POLN: variants seen among roughly 807,000 people sequenced by gnomAD.
POLN encodes DNA polymerase nu.
POLN carries 108 observed loss-of-function variants against 113.5 expected under a neutral mutation model. The observed-to-expected ratio is 0.95, with a 90% CI of 0.81 to 1.12. The LOEUF is 1.12. POLN is among the 50% of genes most tolerant of loss of function. The probability of loss-of-function intolerance (pLI) is 0.00; values close to 1 mark genes in which losing one functional copy is unlikely to be tolerated. For missense variants in POLN, 1,097 were observed against 1,077.1 expected (o/e 1.02, Z -0.26); for synonymous variants, 386 against 391.5 (o/e 0.99, Z 0.17).
At chr4:2,082,652 A>G (rs1392294265) in intron 21 of POLN, 1 of 152,188 alleles carries the variant, frequency 6.6e-6, no homozygotes. Flanking sequence ...TATAATAATC[A>G]TGAAAGTGAC....
rs1474413309 is a variant in POLN at position 2,208,443 on chromosome 4, C to A, written c.258G>T (p.Lys86Asn). Residue 86 changes from lysine to asparagine, a missense_variant, in exon 5 of 26, where the codon AAG becomes AAT. Lys to Asn is a moderately conservative substitution (Grantham distance 94). Transcript: ENST00000511885. Reference sequence around the variant, plus strand: ...TGACACTGAAGGACTGAGGAGACAGCTTGGCAGAACCTCTTGATGTCTGAC... The same window carrying A: ...TGACACTGAAGGACTGAGGAGACAGATTGGCAGAACCTCTTGATGTCTGAC... ...LRSQTSRGSA[K>N]LSPQSFSVRL... 1.9e-6 allele frequency: 3 copies of A among 1,576,026 alleles called. No individual in the cohort carries two copies. In the African/African-American group the frequency reaches 4.1e-5, roughly 22 times the overall value.
chr4:2,085,423 G>A (rs1296202073), intron 21 of POLN, among the ~76,000 whole-genome samples, 190 bp downstream of exon 21: 2 of 152,014 alleles, frequency 1.3e-5, no homozygotes, highest in African/African-American at 4.8e-5. Context: ...GCTTCAAGCC[G>A]CCCAGACTCT....
At position 2,122,869 on chromosome 4, in the gene POLN, C is replaced by T. The variant is rs1577706075; in HGVS notation, c.1982+5244G>A. Among the ~76,000 whole-genome samples, 3 of 152,130 alleles carry T rather than the reference C, an allele frequency of 2.0e-5. No homozygotes were observed. The South Asian group carries it at 6.2e-4, about 32-fold the overall frequency. On this transcript the variant is annotated intron_variant, in intron 19 of 25. Transcript: ENST00000511885. ...GTATGTCTGCACAAAAACTTGCACA[C>T]AGACCAGGGGCGGTAGCTCACACCT...
In POLN at chr4:2,233,239, C is replaced by A. The variant is rs151114484; in HGVS notation, c.-12-3996G>T. Among the ~76,000 whole-genome samples the A allele has an allele frequency of 2.0e-4, 30 of 152,300 alleles. No homozygotes were observed. In the East Asian group the frequency reaches 5.8e-3, roughly 29 times the overall value. ...CTGAGAAACAACAATCTCATCTTTA[C>A]CTTCAATTAAATACTAAAGATCATA... On this transcript the variant is annotated intron_variant, in intron 2 of 25. Transcript: ENST00000511885.
At position 2,080,737 on chromosome 4, in the gene POLN, T is replaced by G; in HGVS notation, c.2387+221A>C. ...GTCTGGGGGAGACAGCATTTCTGTCTGGAGAGGCCTCATCTGCACCCCACG... is the reference window on the plus strand; with the variant it reads ...GTCTGGGGGAGACAGCATTTCTGTCGGGAGAGGCCTCATCTGCACCCCACG... On this transcript the variant is annotated intron_variant, in intron 23 of 25. Coordinates refer to ENST00000511885, the MANE Select transcript of POLN (RefSeq NM_181808.4). The G allele has an allele frequency of 4.9e-6, 7 of 1,426,034 alleles. No individual in the cohort carries two copies. The South Asian group carries it at 8.7e-5, about 18-fold the overall frequency. 88.3% of individuals were successfully genotyped at this position (1,426,034 alleles called of 1,614,324 possible).
At chr4:2,207,448 AT>A (rs143425650) in intron 5 of POLN, among the ~76,000 whole-genome samples, 7,572 of 152,136 alleles carry the variant, frequency 0.05, 279 homozygotes, top group Non-Finnish European at 0.072. Context: ...ACCCTCAATA[AT>A]TTTTTTTAAA....
rs138629752 is a variant in POLN at position 2,145,567 on chromosome 4, A to G, written c.1731+11221T>C. Among the ~76,000 whole-genome samples the G allele has an allele frequency of 1.9e-3, 290 of 152,356 alleles. 3 individuals are homozygous for G. The highest frequency in any genetic ancestry group is 6.8e-3 in the African/African-American group (282 of 41,572). On this transcript the variant is annotated intron_variant, in intron 16 of 25. Coordinates refer to ENST00000511885, the MANE Select transcript of POLN (RefSeq NM_181808.4). ...AAAAATACACTGACCCTCATTACTA[A>G]TAAAAGTAATGTGAATTAAGTCACA... is the stretch of plus-strand genomic sequence containing the variant.
chr4:2,240,945 A>G (rs1328445450), intron 2 of POLN: 1 of 1,590,646 alleles, frequency 6.3e-7, no homozygotes, highest in African/African-American at 1.4e-5. Flanking sequence ...TCCACAACTC[A>G]TGGTTTTAAC....
chr4:2,213,151 C>T (rs1239091797), intron 3 of POLN, 25 bp from the exon 4 acceptor site: 3 of 1,490,316 alleles, frequency 2.0e-6, no homozygotes, highest in Admixed American at 1.9e-5. Flanking sequence ...AAAAAAGAAA[C>T]ATGGGGCATT....
chr4:2,190,472 A>G (rs912147444), intron 7 of POLN, among the ~76,000 whole-genome samples: 7 of 131,814 alleles, frequency 5.3e-5, no homozygotes, highest in African/African-American at 8.2e-5. Flanking sequence ...TTGTCTGGGC[A>G]ATGATTTTTT....
chr4:2,193,246 T>A lies in POLN; in HGVS notation c.979A>T (p.Ile327Leu), dbSNP rs776067841. 1 of 1,610,846 alleles carries A rather than the reference T, an allele frequency of 6.2e-7. No homozygotes were observed. The highest frequency in any genetic ancestry group is 1.1e-5 in the South Asian group (1 of 90,602). The change falls in exon 7 of 26, where the codon ATA becomes TTA. Residue 327 changes from isoleucine to leucine, a missense_variant. Coordinates refer to ENST00000511885, the MANE Select transcript of POLN (RefSeq NM_181808.4). ...TCATTGCCAAAAAACTGCAGCACTA[T>A]TCTCACAAAATCCTTAGCATTAAAA... Reference protein sequence around the residue: ...ICFNAKDFVRIVLQFFGNDGS... With the variant: ...ICFNAKDFVRLVLQFFGNDGS...
rs1219786488 is a variant in POLN at position 2,127,548 on chromosome 4, C to T, written c.1982+565G>A. Among the ~76,000 whole-genome samples, 1 of 152,096 alleles carries T rather than the reference C, an allele frequency of 6.6e-6. No individual in the cohort carries two copies. The highest frequency in any genetic ancestry group is 1.5e-5 in the Non-Finnish European group (1 of 68,006). On this transcript the variant is annotated intron_variant, in intron 19 of 25. Transcript: ENST00000511885. The surrounding 1 kb of genome is among the most constrained non-coding windows in gnomAD (Gnocchi z 4.7). ...CCGTCTCTCCATCCTGCTTTGGAGA[C>T]CGGAGCAGGTATTCCACCAGGAGGA...
Position 2,193,236 on chromosome 4 carries a change from T to C in POLN, c.989A>G (p.Gln330Arg), listed in dbSNP as rs769152103. The change falls in exon 7 of 26, where the codon CAG becomes CGG. Residue 330 changes from glutamine (Q) to arginine (R), a missense_variant. Gln to Arg is a conservative substitution (Grantham distance 43, BLOSUM62 1). Coordinates refer to ENST00000511885, the MANE Select transcript of POLN (RefSeq NM_181808.4). ...NAKDFVRIVL[Q>R]FFGNDGSWKH... ...CCAACTGCCATCATTGCCAAAAAAC[T>C]GCAGCACTATTCTCACAAAATCCTT... is the stretch of plus-strand genomic sequence containing the variant. The C allele has an allele frequency of 6.2e-7, 1 of 1,609,866 alleles. No individual in the cohort carries two copies. Among genetic ancestry groups the C allele is most frequent in the Non-Finnish European group, 8.5e-7 (1 of 1,178,006 alleles).
chr4:2,242,100 C>T lies in POLN; in HGVS notation c.-333G>A, dbSNP rs1161383243. 9.1e-6 allele frequency: 9 copies of T among 985,802 alleles called. No individual in the cohort carries two copies. The highest frequency in any genetic ancestry group is 1.2e-6 in the Non-Finnish European group (1 of 830,294). The allele number at this position is 985,802 out of a possible 1,614,324, so 61.1% of individuals were successfully genotyped here. On this transcript the variant is annotated 5_prime_UTR_variant, in exon 1 of 26. Transcript: ENST00000511885. ...GCAGGAGCCCGCCGCCACCGCCCTC[C>T]GTGCCCCGCGCGCCTCGCACTGCCT... is the stretch of plus-strand genomic sequence containing the variant.
At chr4:2,241,438 G>A in intron 2 of POLN, 82 bp downstream of exon 2, 1 of 930,554 alleles carries the variant, frequency 1.1e-6, no homozygotes, top group Non-Finnish European at 1.3e-6. Context: ...AGGAGGCTAG[G>A]CAGCCTCTCT....
At chr4:2,128,295 C>CGGT in intron 18 of POLN, 68 bp from the exon 19 acceptor site, 10 of 967,218 alleles carry the variant, frequency 1.0e-5, no homozygotes, top group Non-Finnish European at 1.4e-5. Context: ...CTGCGCACCC[C>CGGT]GGCCACCCTC....
intron 23 of POLN, 29 bp downstream of exon 23, chr4:2,080,929 C>T (rs1270134123): frequency 1.2e-6 from 2 of 1,613,550 alleles, no homozygotes; most frequent in Non-Finnish European, 1.7e-6. Flanking sequence ...CCCTCCCATC[C>T]AAGCCCTGGG....
Position 2,131,274 on chromosome 4 carries a change from G to C in POLN, c.1748C>G (p.Ser583Cys), listed in dbSNP as rs1427949316. Residue 583 changes from serine (S) to cysteine (C), a missense_variant, in exon 17 of 26, where the codon TCC (serine) becomes TGC (cysteine). Coordinates refer to ENST00000511885, the MANE Select transcript of POLN (RefSeq NM_181808.4). ...SAKHPNIQGI[S>C]KHPIQITTPK... ...TGTAGTAATCTGAATTGGGTGCTTG[G>C]AGATACCTTGGATATTCTGTTAATA... 2.5e-6 allele frequency: 4 copies of C among 1,588,474 alleles called. No individual in the cohort carries two copies. The Admixed American group carries it at 6.7e-5, about 27-fold the overall frequency.
intron 16 of POLN, among the ~76,000 whole-genome samples, chr4:2,148,720 T>C (rs188463162): frequency 6.6e-6 from 1 of 152,002 alleles, no homozygotes; most frequent in East Asian, 1.9e-4. Context: ...ATTTTCAGGT[T>C]TGATGAAAAC....
Sources: allele counts gnomAD v4.1 joint callset (sites outside exome capture counted in the v4.1 genomes callset), GRCh38; gene constraint gnomAD v4.1.1; non-coding constraint Gnocchi (gnomAD v3.1); transcripts MANE v1.5; gene names NCBI Gene and HGNC (gene_info 2026-07-23, HGNC 2026-07-21).